Variants in ATP10B observed in about 807,000 individuals in gnomAD.
The protein encoded by ATP10B is ATPase phospholipid transporting 10B (putative), also known as phospholipid-transporting ATPase VB.
A neutral mutation model predicts 141.2 loss-of-function variants in ATP10B; 122 were observed. The ratio of observed to expected loss-of-function variants is 0.86; its 90% CI spans 0.75 to 1.00. ATP10B has a LOEUF of 1.00. ATP10B is among the 50% of genes least tolerant of loss of function. ATP10B has a pLI of 0.00. For missense variants in ATP10B, 1,876 were observed against 1,825.3 expected (o/e 1.03, Z -0.51); for synonymous variants, 685 against 692.0 (o/e 0.99, Z 0.16).
At chr5:160,730,624 T>G (rs1276593577) in intron 2 of ATP10B, among the ~76,000 whole-genome samples, 1 of 152,180 alleles carries the variant, frequency 6.6e-6, no homozygotes, top group Non-Finnish European at 1.5e-5. Flanking sequence ...ATGTGCACAC[T>G]GCCCACAAAG....
In ATP10B at chr5:160,563,745, T is replaced by C. The variant is rs1754384274; in HGVS notation, c.*1708A>G. The stretch of plus-strand genomic sequence containing the variant: ...TTCTGTTCTTTCTGGCTTTTAGTAG[T>C]AGCCAGAAATTGGGGGAAAAATTGA... On this transcript the variant is annotated 3_prime_UTR_variant, in exon 26 of 26. Transcript: ENST00000327245. 1 of 152,150 alleles carries C rather than the reference T, an allele frequency of 6.6e-6. No individual in the cohort carries two copies. The highest frequency in any genetic ancestry group is 2.4e-5 in the African/African-American group (1 of 41,440). 9.4% of individuals were successfully genotyped at this position (152,150 alleles called of 1,614,324 possible). A position where few individuals can be genotyped will look rare whatever the true frequency, so the allele number is the denominator to read the frequency against.
intron 1 of ATP10B, among the ~76,000 whole-genome samples, chr5:160,799,249 T>C (rs375942745): frequency 1.5e-4 from 23 of 152,340 alleles, no homozygotes; most frequent in African/African-American, 5.1e-4. Context: ...TCCTCCACCA[T>C]GTAACTGCCC....
chr5:160,730,615 T>A (rs191082057), intron 2 of ATP10B, among the ~76,000 whole-genome samples: 1 of 152,174 alleles, frequency 6.6e-6, no homozygotes, highest in Non-Finnish European at 1.5e-5. Flanking sequence ...TTCTTTTGCA[T>A]GTGCACACTG....
chr5:160,616,001 T>A, intron 16 of ATP10B, 37 bp from the exon 17 acceptor site: 1 of 1,585,726 alleles, frequency 6.3e-7, no homozygotes, highest in South Asian at 1.1e-5. Flanking sequence ...CAATCTTGGG[T>A]GGACCAACAA....
intron 23 of ATP10B, among the ~76,000 whole-genome samples, chr5:160,590,531 C>CTGGTATCCCT (rs1422194406): frequency 6.8e-6 from 1 of 147,608 alleles, no homozygotes; most frequent in Non-Finnish European, 1.5e-5. Context: ...TGAGATTGGG[C>CTGGTATCCCT]TGGTATCCCT....
the ATP10B span, among the ~76,000 whole-genome samples, chr5:160,879,556 A>G: frequency 1.4e-5 from 2 of 147,582 alleles, no homozygotes; most frequent in South Asian, 4.3e-4. Flanking sequence ...AAAAAAAACC[A>G]CGGCCAGGCG....
chr5:160,861,858 C>T, the ATP10B span, among the ~76,000 whole-genome samples: 2 of 151,796 alleles, frequency 1.3e-5, no homozygotes, highest in Non-Finnish European at 2.9e-5. Context: ...TAATTTACTT[C>T]TTTAAAAATA....
chr5:160,828,083 G>T (rs1009767644), intron 1 of ATP10B, among the ~76,000 whole-genome samples: 2 of 152,040 alleles, frequency 1.3e-5, no homozygotes, highest in Non-Finnish European at 2.9e-5. Flanking sequence ...AGACTTACAC[G>T]TTAGACCTAA....
intron 13 of ATP10B, among the ~76,000 whole-genome samples, chr5:160,626,442 A>AT (rs1758617030): frequency 6.6e-6 from 1 of 152,214 alleles, no homozygotes; most frequent in African/African-American, 2.4e-5. Flanking sequence ...AAGAGCACTG[A>AT]TATGGTTAGT....
At chr5:160,587,560 A>T (rs1755990046) in intron 24 of ATP10B, among the ~76,000 whole-genome samples, 1 of 152,192 alleles carries the variant, frequency 6.6e-6, no homozygotes, top group South Asian at 2.1e-4. Flanking sequence ...CCTATCCATG[A>T]GCATGGAATG....
At chr5:160,781,162 C>T (rs1165054252) in intron 2 of ATP10B, among the ~76,000 whole-genome samples, 1 of 152,066 alleles carries the variant, frequency 6.6e-6, no homozygotes, top group Non-Finnish European at 1.5e-5. Context: ...AGGAATTGTC[C>T]TTTAGGTCCA....
chr5:160,757,340 G>A (rs1768696899), intron 2 of ATP10B, among the ~76,000 whole-genome samples: 1 of 152,162 alleles, frequency 6.6e-6, no homozygotes, highest in South Asian at 2.1e-4. Flanking sequence ...TGAGGGCCCT[G>A]ACTATGGGAA....
chr5:160,693,455 C>CACACAG (rs1561761329), intron 3 of ATP10B, among the ~76,000 whole-genome samples: 2 of 144,222 alleles, frequency 1.4e-5, no homozygotes, highest in African/African-American at 5.2e-5. Context: ...CACACACACA[C>CACACAG]AGTGGTATAG....
At chr5:160,770,615 G>C (rs1403439091) in intron 2 of ATP10B, among the ~76,000 whole-genome samples, 6 of 152,196 alleles carry the variant, frequency 3.9e-5, no homozygotes, top group African/African-American at 1.2e-4. Context: ...CCCAGTGCAA[G>C]GTATTTTTAT....
At chr5:160,608,099 C>A (rs1187531973) in intron 18 of ATP10B, among the ~76,000 whole-genome samples, 4 of 151,954 alleles carry the variant, frequency 2.6e-5, no homozygotes, top group Admixed American at 2.0e-4. Flanking sequence ...CCACGACAGG[C>A]CCCGGTGTCT....
Position 160,670,700 on chromosome 5 carries a change from C to A in ATP10B, c.471-33G>T, listed in dbSNP as rs754426808. 2.5e-6 allele frequency: 4 copies of A among 1,589,262 alleles called. No individual in the cohort carries two copies. In the East Asian group the frequency reaches 8.9e-5, roughly 36 times the overall value. ...GAGAGAAAGACAGGGTGTGAGTGAG[C>A]TTTAAGTTTCCTCAGAACACTAATG... On this transcript the variant is annotated intron_variant, in intron 6 of 25. Coordinates refer to ENST00000327245, the MANE Select transcript of ATP10B (RefSeq NM_025153.3).
intron 22 of ATP10B, among the ~76,000 whole-genome samples, chr5:160,597,914 G>A (rs1756824790): frequency 6.6e-6 from 1 of 151,464 alleles, no homozygotes; most frequent in Non-Finnish European, 1.5e-5. Context: ...GAGAGGATGT[G>A]GAGAAATAGG....
intron 1 of ATP10B, among the ~76,000 whole-genome samples, chr5:160,826,882 G>T (rs762591676): frequency 3.9e-5 from 6 of 152,160 alleles, no homozygotes; most frequent in Non-Finnish European, 7.3e-5. Flanking sequence ...TGCCAGCATG[G>T]TAAATATTTG....
the ATP10B span, among the ~76,000 whole-genome samples, chr5:160,915,874 A>G: frequency 2.6e-5 from 4 of 152,102 alleles, no homozygotes. Context: ...CTCAGAGTAC[A>G]TGCTCTCCTG....
Sources: gnomAD v4.1 joint callset for allele counts (sites outside exome capture counted in the v4.1 genomes callset) on GRCh38, gnomAD v4.1.1 for gene constraint, MANE v1.5 for transcripts, NCBI Gene and HGNC (gene_info 2026-07-23, HGNC 2026-07-21) for gene names.